The following MAP3K21 variants were observed in gnomAD, a reference collection of about 807,000 sequenced individuals.
MAP3K21 encodes the protein mitogen-activated protein kinase kinase kinase MLK4.
Under a neutral mutation model 86.1 loss-of-function variants are expected in MAP3K21, and 63 were observed. The observed-to-expected ratio is 0.73, with a 90% CI of 0.60 to 0.90. The LOEUF is 0.90. Ranked by LOEUF, MAP3K21 falls within the 40% of genes least tolerant of loss-of-function variation. The pLI is 0.00. For missense variants in MAP3K21, 1,220 were observed against 1,367.7 expected (o/e 0.89, Z 1.70); for synonymous variants, 558 against 564.8 (o/e 0.99, Z 0.17).
chr1:233,372,536 G>A (rs1472655847), intron 6 of MAP3K21: 1 of 259,832 alleles, frequency 3.8e-6, no homozygotes, highest in Admixed American at 5.4e-5. Flanking sequence ...GATTACTTCT[G>A]TTTCTTTCTT....
At chr1:233,354,691 A>C in intron 3 of MAP3K21, 145 bp from the exon 4 acceptor site, 1 of 676,776 alleles carries the variant, frequency 1.5e-6, no homozygotes, top group South Asian at 1.9e-5. Context: ...GGATTCTTAA[A>C]ATCTTCAGGA....
chr1:233,382,315 T>C lies in MAP3K21; in HGVS notation c.2715T>C (p.Thr905=). The change falls in exon 10 of 10, where the codon ACT becomes ACC. Residue 905 remains threonine, a synonymous_variant. Coordinates refer to ENST00000366624, the MANE Select transcript of MAP3K21 (RefSeq NM_032435.3). ...SDGNPTPTGA[T]IISATGASAL... is the part of the protein sequence containing the mutation. The stretch of plus-strand genomic sequence containing the variant: ...GGCTTTCTCAACCAGCTGGTGCAAC[T>C]ATTATCTCAGCCACTGGAGCCTCTG... 6.2e-7 allele frequency: 1 copy of C among 1,611,604 alleles called. No individual in the cohort carries two copies. The highest frequency in any genetic ancestry group is 1.7e-4 in the Middle Eastern group (1 of 6,056).
At chr1:233,382,202 C>A in intron 9 of MAP3K21, 103 bp from the exon 10 acceptor site, 2 of 1,004,032 alleles carry the variant, frequency 2.0e-6, no homozygotes, top group Non-Finnish European at 2.9e-6. Flanking sequence ...CATTTTAAAG[C>A]TATCACTTTG....
At chr1:233,334,593 G>A (rs564405492) in intron 1 of MAP3K21, among the ~76,000 whole-genome samples, 1 of 58,336 alleles carries the variant, frequency 1.7e-5, no homozygotes, top group South Asian at 6.5e-4. Flanking sequence ...AGTGGAGAAA[G>A]GGTTTTTTTG....
chr1:233,346,931 C>T (rs530634956), intron 2 of MAP3K21, among the ~76,000 whole-genome samples: 4 of 152,266 alleles, frequency 2.6e-5, no homozygotes, highest in South Asian at 2.1e-4. Flanking sequence ...GTGAATTTTC[C>T]GTGATGCAAT....
intron 1 of MAP3K21, among the ~76,000 whole-genome samples, chr1:233,343,230 A>C (rs1273621872): frequency 6.6e-6 from 1 of 152,212 alleles, no homozygotes; most frequent in East Asian, 1.9e-4. Context: ...GATTTCCTGA[A>C]GTTCATGAAA....
intron 2 of MAP3K21, among the ~76,000 whole-genome samples, chr1:233,347,128 C>A (rs1176565539): frequency 6.6e-6 from 1 of 152,114 alleles, no homozygotes; most frequent in Non-Finnish European, 1.5e-5. Context: ...CTTCTAGACT[C>A]AAGTGATCCA....
chr1:233,328,650 CTCAACCGAGCGCTG>C lies in MAP3K21; in HGVS notation c.623_636del (p.Leu208ArgfsTer41), dbSNP rs1662752674. The C allele has an allele frequency of 7.1e-7, 1 of 1,403,394 alleles. No individual in the cohort carries two copies. The highest frequency in any genetic ancestry group is 3.2e-5 in the Admixed American group (1 of 31,640). The allele number at this position is 1,403,394 out of a possible 1,614,324, so 86.9% of individuals were successfully genotyped here. A position where few individuals can be genotyped will look rare whatever the true frequency, so the allele number is the denominator to read the frequency against. On this transcript the variant is annotated frameshift_variant, in exon 1 of 10. Transcript: ENST00000366624. LOFTEE classifies it high-confidence loss of function. The surrounding 1 kb of genome is among the most constrained non-coding windows in gnomAD (Gnocchi z 8.7). ...GCTGGAGTTCGCCCGCGGCGGAGCG[CTCAACCGAGCGCTG>C]GCCGCTGCCAACGCCGCCCCGGACC... is the stretch of plus-strand genomic sequence containing the variant.
chr1:233,334,227 C>G (rs1572237497), intron 1 of MAP3K21, among the ~76,000 whole-genome samples: 1 of 150,224 alleles, frequency 6.7e-6, no homozygotes, highest in Admixed American at 6.6e-5. Context: ...GTCTCAAACT[C>G]CTGGAGTCAA....
chr1:233,344,574 A>G (rs560879839), intron 1 of MAP3K21, among the ~76,000 whole-genome samples: 2,105 of 152,302 alleles, frequency 0.014, 52 homozygotes, highest in African/African-American at 0.047. Flanking sequence ...TTATACAAAA[A>G]TCAATTCAAG....
intron 1 of MAP3K21, among the ~76,000 whole-genome samples, chr1:233,332,837 AT>A (rs35115370): frequency 0.77 from 116,956 of 150,986 alleles, 45,514 homozygotes; most frequent in East Asian, 0.99. Context: ...ATTGTGTTCT[AT>A]TTTTTTTTTC....
intron 1 of MAP3K21, among the ~76,000 whole-genome samples, chr1:233,335,595 G>A (rs1662897423): frequency 6.6e-6 from 1 of 151,984 alleles, no homozygotes; most frequent in African/African-American, 2.4e-5. Context: ...CCATCAGAGG[G>A]GAGTGCTAAG....
At chr1:233,352,751 A>G (rs1026275660) in intron 2 of MAP3K21, among the ~76,000 whole-genome samples, 1 of 152,170 alleles carries the variant, frequency 6.6e-6, no homozygotes, top group Non-Finnish European at 1.5e-5. Flanking sequence ...TTTTGACAAG[A>G]CAGTGTTACT....
intron 5 of MAP3K21, among the ~76,000 whole-genome samples, chr1:233,363,531 G>A (rs1170413678): frequency 3.3e-5 from 5 of 151,874 alleles, no homozygotes; most frequent in South Asian, 4.1e-4. Flanking sequence ...AACCCCCTCC[G>A]TCTCTATGAA....
At chr1:233,355,069 A>G in intron 4 of MAP3K21, 58 bp downstream of exon 4, 1 of 1,291,532 alleles carries the variant, frequency 7.7e-7, no homozygotes, top group Non-Finnish European at 1.1e-6. Flanking sequence ...TATGGAAAAT[A>G]TGAGGCAAGA....
In MAP3K21 at chr1:233,379,225, G is replaced by T. The variant is rs532333033; in HGVS notation, c.2219G>T (p.Arg740Ile). ...LASVALGLDL[R>I]ELHKAQAAEE... ...TCGGTGGCTCTGGGACTGGACCTCA[G>T]AGAGCTTCATAAAGCACAGGCTGCT... The change falls in exon 9 of 10, where the codon AGA (arginine) becomes ATA (isoleucine). Residue 740 changes from arginine (R) to isoleucine (I), a missense_variant. This residue lies in a region of MAP3K21 where 632 missense variants were observed against 691.3 expected (regional missense o/e 0.91). Transcript: ENST00000366624. 3.4e-5 allele frequency: 55 copies of T among 1,614,174 alleles called. No homozygotes were observed. The South Asian group carries it at 5.9e-4, about 17-fold the overall frequency.
chr1:233,327,763 G>A lies in MAP3K21; in HGVS notation c.-266G>A, dbSNP rs897524903. The A allele has an allele frequency of 7.0e-6, 2 of 284,568 alleles. No homozygotes were observed. Among genetic ancestry groups the A allele is most frequent in the South Asian group, 3.3e-4 (2 of 6,080 alleles). The allele number at this position is 284,568 out of a possible 1,614,324, so 17.6% of individuals were successfully genotyped here. A position where few individuals can be genotyped will look rare whatever the true frequency, so the allele number is the denominator to read the frequency against. On this transcript the variant is annotated 5_prime_UTR_variant, in exon 1 of 10. Transcript: ENST00000366624. The stretch of plus-strand genomic sequence containing the variant: ...CTAAGGAGCGCGCGGCGGGCGGGCC[G>A]GCCGCAGGGCCTGGGCACGACCATG...
chr1:233,351,944 G>A (rs191577353), intron 2 of MAP3K21, among the ~76,000 whole-genome samples: 4 of 152,104 alleles, frequency 2.6e-5, no homozygotes, highest in Admixed American at 2.6e-4. Flanking sequence ...GCTGGACTGT[G>A]GTGGTGCAAT....
chr1:233,382,859 A>C lies in MAP3K21; in HGVS notation c.*148A>C. 1.5e-6 allele frequency: 1 copy of C among 653,914 alleles called. No homozygotes were observed. The highest frequency in any genetic ancestry group is 2.6e-6 in the Non-Finnish European group (1 of 391,184). The allele number at this position is 653,914 out of a possible 1,614,324, so 40.5% of individuals were successfully genotyped here. ...TAAGATATATCCAGCTTCTCAAAAA[A>C]TGTATATGATTGCTGTTAGCCATGT... On this transcript the variant is annotated 3_prime_UTR_variant, in exon 10 of 10. Coordinates refer to ENST00000366624, the MANE Select transcript of MAP3K21 (RefSeq NM_032435.3).
Sources: gnomAD v4.1 joint callset for allele counts (sites outside exome capture counted in the v4.1 genomes callset) on GRCh38, gnomAD v4.1.1 for gene constraint, gnomAD v4.1.1 regional missense constraint, Gnocchi (gnomAD v3.1) non-coding constraint, MANE v1.5 for transcripts, NCBI Gene and HGNC (gene_info 2026-07-23, HGNC 2026-07-21) for gene names.